The following IMMP2L variants were observed in gnomAD, a reference collection of about 807,000 sequenced individuals.
IMMP2L encodes mitochondrial inner membrane protease subunit 2.
In IMMP2L, 18 loss-of-function variants were observed where a neutral mutation model predicts 19.3. The observed-to-expected ratio is 0.93, with a 90% CI of 0.64 to 1.38. The LOEUF (loss-of-function observed/expected upper bound fraction) is 1.38. IMMP2L is among the 40% of genes most tolerant of loss of function. The pLI is 0.00. For synonymous variants in IMMP2L, 76 were observed against 73.0 expected (o/e 1.04, Z -0.21); for missense variants, 233 against 218.2 (o/e 1.07, Z -0.43).
At chr7:111,418,296 A>G (rs1835139234) in intron 3 of IMMP2L, among the ~76,000 whole-genome samples, 1 of 151,734 alleles carries the variant, frequency 6.6e-6, no homozygotes, top group Admixed American at 6.6e-5. Flanking sequence ...TCAGGTCCCC[A>G]ATAAAACCTT....
chr7:111,505,594 G>A (rs1472489787), intron 2 of IMMP2L, among the ~76,000 whole-genome samples: 1 of 152,090 alleles, frequency 6.6e-6, no homozygotes, highest in Non-Finnish European at 1.5e-5. Context: ...TGATAGACTA[G>A]GTTAAGAAAA....
chr7:111,287,772 C>T lies in IMMP2L; in HGVS notation c.239+199466G>A, dbSNP rs571089986. Among the ~76,000 whole-genome samples, 45 of 152,078 alleles carry T rather than the reference C, an allele frequency of 3.0e-4. No homozygotes were observed. The South Asian group carries it at 9.4e-3, about 32-fold the overall frequency. On this transcript the variant is annotated intron_variant, in intron 3 of 5. Transcript: ENST00000405709. ...TTACAGAGAACTAGAAATGTAAAGC[C>T]AAAAAGACAGCCCTTTGAAATAGCC...
At chr7:111,243,084 A>G (rs1030382210) in intron 3 of IMMP2L, among the ~76,000 whole-genome samples, 13 of 152,268 alleles carry the variant, frequency 8.5e-5, no homozygotes, top group African/African-American at 3.1e-4. Flanking sequence ...TTACTAAAAC[A>G]AAATTCTTAT....
chr7:111,445,995 A>G (rs974194650), intron 3 of IMMP2L, among the ~76,000 whole-genome samples: 10 of 151,770 alleles, frequency 6.6e-5, no homozygotes, highest in African/African-American at 2.2e-4. Flanking sequence ...TGCGCTTTTC[A>G]GACCGGCTTA....
chr7:110,858,182 G>GA (rs1005631559), intron 5 of IMMP2L, among the ~76,000 whole-genome samples: 39 of 151,252 alleles, frequency 2.6e-4, no homozygotes, highest in South Asian at 8.4e-4. Flanking sequence ...AGCAGAGTAT[G>GA]AAAAAAAAAT....
At chr7:111,349,063 C>A (rs1159240942) in intron 3 of IMMP2L, among the ~76,000 whole-genome samples, 1 of 152,106 alleles carries the variant, frequency 6.6e-6, no homozygotes, top group Non-Finnish European at 1.5e-5. Context: ...TATTTCCAGA[C>A]ATAGTTTTCC....
intron 3 of IMMP2L, among the ~76,000 whole-genome samples, chr7:111,471,196 T>C (rs764931729): frequency 1.2e-4 from 19 of 152,098 alleles, no homozygotes; most frequent in Admixed American, 3.3e-4. Context: ...CACAGATATT[T>C]CTTCCCAGAA....
intron 3 of IMMP2L, among the ~76,000 whole-genome samples, chr7:111,138,687 A>G (rs1320965715): frequency 6.6e-6 from 1 of 152,204 alleles, no homozygotes; most frequent in Non-Finnish European, 1.5e-5. Flanking sequence ...AAAAGATTAG[A>G]GATAAGGTCC....
intron 5 of IMMP2L, among the ~76,000 whole-genome samples, chr7:110,665,762 T>C (rs539216144): frequency 1.3e-5 from 2 of 152,298 alleles, no homozygotes; most frequent in East Asian, 1.9e-4. Context: ...AAGGCAATAT[T>C]GACTAGATTT....
intron 5 of IMMP2L, among the ~76,000 whole-genome samples, chr7:110,835,976 T>G (rs551124971): frequency 5.3e-5 from 8 of 152,172 alleles, no homozygotes; most frequent in Non-Finnish European, 1.2e-4. Context: ...CAACACCCAA[T>G]TGTTCACTGT....
chr7:111,049,121 TTTTTTTTTTTTTTTC>T (rs1303610259), intron 3 of IMMP2L, among the ~76,000 whole-genome samples: 3 of 16,456 alleles, frequency 1.8e-4, no homozygotes, highest in Non-Finnish European at 5.4e-4. Flanking sequence ...GATACTTCTT[TTTTTTTTTTTTTTTC>T]TTTTTTTTTT....
At chr7:110,920,849 A>G (rs570782340) in intron 4 of IMMP2L, among the ~76,000 whole-genome samples, 1 of 152,260 alleles carries the variant, frequency 6.6e-6, no homozygotes, top group East Asian at 1.9e-4. Flanking sequence ...TACACCTTTC[A>G]CCCAGCTTTC....
chr7:111,377,628 G>C (rs1180909785), intron 3 of IMMP2L, among the ~76,000 whole-genome samples: 1 of 151,898 alleles, frequency 6.6e-6, no homozygotes, highest in African/African-American at 2.4e-5. Context: ...CATGCTTCCA[G>C]GGGCCTATTT....
intron 5 of IMMP2L, among the ~76,000 whole-genome samples, chr7:110,670,579 A>G (rs777283934): frequency 5.9e-5 from 9 of 151,638 alleles, no homozygotes; most frequent in African/African-American, 2.2e-4. Flanking sequence ...AATCCCAGCT[A>G]CTCGCCAGGC....
intron 3 of IMMP2L, among the ~76,000 whole-genome samples, chr7:111,017,685 C>T (rs944227679): frequency 1.3e-5 from 2 of 152,064 alleles, no homozygotes; most frequent in Non-Finnish European, 2.9e-5. Context: ...TTGGTTTTGA[C>T]CCTTTGTGTT....
At chr7:111,001,016 T>C (rs1823621635) in intron 3 of IMMP2L, among the ~76,000 whole-genome samples, 2 of 152,164 alleles carry the variant, frequency 1.3e-5, no homozygotes, top group South Asian at 4.1e-4. Flanking sequence ...TGCATATAGA[T>C]GATCTATGCA....
chr7:111,114,691 G>A (rs214874), intron 3 of IMMP2L, among the ~76,000 whole-genome samples: 7,486 of 142,012 alleles, frequency 0.053, 333 homozygotes, highest in African/African-American at 0.13. Context: ...AGTGAGCCGA[G>A]ATCGCACCAC....
At position 110,788,612 on chromosome 7, in the gene IMMP2L, T is replaced by G. The variant is rs532821310; in HGVS notation, c.408+97981A>C. ...ATCTGTAGCATAGAACCCTCTTTAA[T>G]CATATATCCAACTGTTTATTTGACA... On this transcript the variant is annotated intron_variant, in intron 5 of 5. Coordinates refer to ENST00000405709, the MANE Select transcript of IMMP2L (RefSeq NM_032549.4). Among the ~76,000 whole-genome samples the G allele has an allele frequency of 4.6e-5, 7 of 151,780 alleles. No homozygotes were observed. In the East Asian group the frequency reaches 5.8e-4, roughly 13 times the overall value.
At chr7:111,347,761 A>G (rs1221638656) in intron 3 of IMMP2L, among the ~76,000 whole-genome samples, 1 of 151,918 alleles carries the variant, frequency 6.6e-6, no homozygotes, top group Non-Finnish European at 1.5e-5. Flanking sequence ...GACAAAAGAA[A>G]AGCCATTCCT....
Sources: gnomAD v4.1 joint callset for allele counts (sites outside exome capture counted in the v4.1 genomes callset) on GRCh38, gnomAD v4.1.1 for gene constraint, MANE v1.5 for transcripts, NCBI Gene and HGNC (gene_info 2026-07-23, HGNC 2026-07-21) for gene names.